The following RIN3 variants were observed in gnomAD, a reference collection of about 807,000 sequenced individuals.
RIN3 encodes the protein Ras and Rab interactor 3.
RIN3 carries 54 observed loss-of-function variants against 76.3 expected under a neutral mutation model. The ratio of observed to expected loss-of-function variants is 0.71; its 90% CI spans 0.57 to 0.89. The LOEUF is 0.89. RIN3 is among the 40% of genes least tolerant of loss of function. The pLI, the probability that RIN3 is intolerant of heterozygous loss-of-function variation, is 0.00. For synonymous variants in RIN3, 576 were observed against 564.0 expected, an observed-to-expected ratio of 1.02 and a Z score of -0.30; for missense variants, 1,256 against 1,322.1, an observed-to-expected ratio of 0.95 and a Z score of 0.78.
intron 7 of RIN3, among the ~76,000 whole-genome samples, chr14:92,661,163 A>G (rs1211031209): frequency 1.3e-5 from 2 of 152,224 alleles, no homozygotes. Flanking sequence ...GAAACAATGT[A>G]TGTAAAATGG....
chr14:92,513,981 G>A lies in RIN3; in HGVS notation c.44+5G>A, dbSNP rs1896366872. The A allele has an allele frequency of 4.0e-6, 5 of 1,239,584 alleles. No individual in the cohort carries two copies. In the Admixed American group the frequency reaches 2.1e-4, roughly 52 times the overall value. 76.8% of individuals were successfully genotyped at this position (1,239,584 alleles called of 1,614,324 possible). A position where few individuals can be genotyped will look rare whatever the true frequency, so the allele number is the denominator to read the frequency against. On this transcript the variant is annotated splice_donor_5th_base_variant and intron_variant, in intron 1 of 9. Transcript: ENST00000216487. ...CGCGCGCGGGGACCCCACGGGGTAA[G>A]TCCGGGCGGCCGCCCCCTCCTCCCT...
chr14:92,527,085 C>T (rs1186815936), intron 1 of RIN3, among the ~76,000 whole-genome samples: 1 of 137,170 alleles, frequency 7.3e-6, no homozygotes. Context: ...GAGTCTCGCT[C>T]TGTCCCCCAG....
At chr14:92,684,262 C>A (rs893009579) in intron 8 of RIN3, among the ~76,000 whole-genome samples, 1 of 152,038 alleles carries the variant, frequency 6.6e-6, no homozygotes, top group Non-Finnish European at 1.5e-5. Context: ...CGCCTCTAAT[C>A]CCAGCTACTC....
At chr14:92,544,021 C>G (rs141329720) in intron 1 of RIN3, among the ~76,000 whole-genome samples, 157 of 152,166 alleles carry the variant, frequency 1.0e-3, no homozygotes, top group African/African-American at 3.7e-3. Flanking sequence ...GCCTCCCCAC[C>G]CCCCCATCTC....
chr14:92,653,057 C>T lies in RIN3; in HGVS notation c.2008C>T (p.His670Tyr), dbSNP rs1303023548. Residue 670 changes from histidine to tyrosine, a missense_variant, in exon 6 of 10, where the codon CAC becomes TAC. Around this residue, in one of 3 missense-constraint regions of RIN3, gnomAD observed 428 missense variants for 521.2 expected, o/e 0.82. Coordinates refer to ENST00000216487, the MANE Select transcript of RIN3 (RefSeq NM_024832.5). ...CAAGGCCCTGGTGGACCCCGCCCTG[C>T]ACTCCGAGGAGGAGCTCGGTCAGTG... is the stretch of plus-strand genomic sequence containing the variant. ...ELKALVDPAL[H>Y]SEEELEAIVE... 1 of 1,604,582 alleles carries T rather than the reference C, an allele frequency of 6.2e-7. No individual in the cohort carries two copies. Among genetic ancestry groups the T allele is most frequent in the African/African-American group, 1.3e-5 (1 of 74,886 alleles).
At chr14:92,645,592 A>G (rs1887168288) in intron 5 of RIN3, among the ~76,000 whole-genome samples, 1 of 152,230 alleles carries the variant, frequency 6.6e-6, no homozygotes, top group Non-Finnish European at 1.5e-5. Context: ...GGCGATTGCC[A>G]GGGGCTGCAT....
At chr14:92,669,212 C>T (rs952026167) in intron 7 of RIN3, among the ~76,000 whole-genome samples, 3 of 152,116 alleles carry the variant, frequency 2.0e-5, no homozygotes, top group African/African-American at 7.2e-5. Flanking sequence ...GGTACCTGCC[C>T]GAGTAAAACT....
intron 2 of RIN3, among the ~76,000 whole-genome samples, chr14:92,559,454 A>T (rs1261695870): frequency 6.6e-6 from 1 of 152,178 alleles, no homozygotes; most frequent in Admixed American, 6.5e-5. Context: ...ATTTTCTGAG[A>T]TCAACCAGTG....
At chr14:92,525,305 A>G (rs1416803033) in intron 1 of RIN3, among the ~76,000 whole-genome samples, 1 of 152,140 alleles carries the variant, frequency 6.6e-6, no homozygotes, top group Non-Finnish European at 1.5e-5. Context: ...GTGTAGCCCC[A>G]CTAGACTGTA....
chr14:92,546,238 T>G (rs112119255), intron 1 of RIN3, among the ~76,000 whole-genome samples: 5,175 of 152,278 alleles, frequency 0.034, 329 homozygotes, highest in African/African-American at 0.12. Flanking sequence ...GGCCCTTTTC[T>G]TTTATTGATA....
At chr14:92,637,527 G>A (rs953809117) in intron 4 of RIN3, among the ~76,000 whole-genome samples, 3 of 152,134 alleles carry the variant, frequency 2.0e-5, no homozygotes, top group Non-Finnish European at 4.4e-5. Context: ...CAGGGGTTGG[G>A]GACCCCTGGG....
At chr14:92,515,342 AG>A (rs1474262455) in intron 1 of RIN3, 2 of 681,360 alleles carry the variant, frequency 2.9e-6, no homozygotes, top group African/African-American at 3.5e-5. Context: ...TTTCTCAGGG[AG>A]GAAGGGGAGG....
rs753459883 is a variant in RIN3, at chr14:92,648,439, TC to T, written c.533-3141del. On this transcript the variant is annotated intron_variant, in intron 5 of 9. Transcript: ENST00000216487. This position sits in a 1 kb window ranked among gnomAD's most constrained non-coding sequence, Gnocchi z 4.1. ...GGCAGGCTGCCCGGCTGGTGGCCCA[TC>T]CGTTTACGGGGCTCCTGTGCCCTCC... 1.4e-4 allele frequency among the ~76,000 whole-genome samples: 21 copies of T among 152,348 alleles called. No individual in the cohort carries two copies. The East Asian group carries it at 3.9e-3, about 28-fold the overall frequency.
chr14:92,615,171 G>A (rs1040004622), intron 3 of RIN3, among the ~76,000 whole-genome samples: 3 of 152,044 alleles, frequency 2.0e-5, no homozygotes, highest in African/African-American at 2.4e-5. Context: ...GCTCGAAAAT[G>A]GACTAATACA....
At chr14:92,564,906 C>T (rs1897876416) in intron 2 of RIN3, among the ~76,000 whole-genome samples, 1 of 152,224 alleles carries the variant, frequency 6.6e-6, no homozygotes, top group Admixed American at 6.5e-5. Flanking sequence ...AGTAAGGACA[C>T]TGGGCCTAGG....
chr14:92,580,061 A>C (rs1595431952), intron 3 of RIN3, among the ~76,000 whole-genome samples: 1 of 152,350 alleles, frequency 6.6e-6, no homozygotes. Context: ...TTCCGCAGAG[A>C]CCCAGAGCCC....
chr14:92,621,231 G>A (rs1239525516), intron 4 of RIN3, among the ~76,000 whole-genome samples: 408 of 3,340 alleles, frequency 0.12, 6 homozygotes, highest in African/African-American at 0.33. Context: ...GCGAGACTCC[G>A]TCTCAAAAAA....
intron 1 of RIN3, among the ~76,000 whole-genome samples, chr14:92,525,346 C>T (rs571783500): frequency 6.6e-6 from 1 of 152,184 alleles, no homozygotes; most frequent in Admixed American, 6.5e-5. Flanking sequence ...GTGGCTCTTC[C>T]TGGCAGGGTG....
At chr14:92,527,103 T>G (rs1296029864) in intron 1 of RIN3, among the ~76,000 whole-genome samples, 1 of 144,716 alleles carries the variant, frequency 6.9e-6, no homozygotes, top group African/African-American at 2.6e-5. Context: ...CAGGCTGGAG[T>G]GCAGTGGCAC....
Sources: gnomAD v4.1 joint callset for allele counts (sites outside exome capture counted in the v4.1 genomes callset) on GRCh38, gnomAD v4.1.1 for gene constraint, gnomAD v4.1.1 regional missense constraint, Gnocchi (gnomAD v3.1) non-coding constraint, MANE v1.5 for transcripts, NCBI Gene and HGNC (gene_info 2026-07-23, HGNC 2026-07-21) for gene names.